The following CALN1 variants were observed in gnomAD, a reference collection of about 807,000 sequenced individuals.
CALN1 encodes the protein calneuron 1.
CALN1 carries 17 observed loss-of-function variants against 30.6 expected under a neutral mutation model. That is an observed-to-expected ratio of 0.56 (90% CI 0.38 to 0.83). The LOEUF is 0.83. Ranked by LOEUF, CALN1 falls within the 40% of genes least tolerant of loss-of-function variation. The pLI is 0.00. For synonymous variants in CALN1, 156 were observed against 131.4 expected, an observed-to-expected ratio of 1.19 and a Z score of -1.28; for missense variants, 291 against 354.9, an observed-to-expected ratio of 0.82 and a Z score of 1.45.
At chr7:72,010,304 T>C (rs1799998586) in intron 5 of CALN1, among the ~76,000 whole-genome samples, 1 of 152,206 alleles carries the variant, frequency 6.6e-6, no homozygotes, top group Non-Finnish European at 1.5e-5. Flanking sequence ...GTTGATATTC[T>C]GCAATCTGGG....
chr7:71,944,135 T>C (rs532434347), intron 5 of CALN1, among the ~76,000 whole-genome samples: 57 of 152,266 alleles, frequency 3.7e-4, no homozygotes, highest in South Asian at 6.2e-4. Flanking sequence ...AGTGGTTATA[T>C]GGTTTTTGTA....
intron 5 of CALN1, among the ~76,000 whole-genome samples, chr7:71,899,302 C>A (rs1334087465): frequency 1.3e-5 from 2 of 152,096 alleles, no homozygotes; most frequent in Non-Finnish European, 2.9e-5. Context: ...TGCCACCGTG[C>A]CTGGCGAATT....
chr7:72,442,891 G>C (rs1028867654), intron 1 of CALN1, among the ~76,000 whole-genome samples: 4 of 151,988 alleles, frequency 2.6e-5, no homozygotes, highest in Non-Finnish European at 5.9e-5. Context: ...ACTTTATTAA[G>C]GGTTGTGCTT....
At chr7:71,959,278 C>A (rs1409037442) in intron 5 of CALN1, among the ~76,000 whole-genome samples, 1 of 152,140 alleles carries the variant, frequency 6.6e-6, no homozygotes, top group Non-Finnish European at 1.5e-5. Context: ...ATGTGGCTAG[C>A]AACATTGTGA....
chr7:72,098,876 T>C (rs1402809505), intron 4 of CALN1, among the ~76,000 whole-genome samples: 1 of 150,964 alleles, frequency 6.6e-6, no homozygotes, highest in African/African-American at 2.4e-5. Context: ...CTGCCTTCCA[T>C]TCTGTCCCCT....
intron 5 of CALN1, among the ~76,000 whole-genome samples, chr7:71,816,986 A>T (rs964894762): frequency 3.3e-5 from 5 of 152,080 alleles, no homozygotes. Context: ...AAAAATCTAT[A>T]GTTTTGGAGA....
At chr7:72,327,085 A>G (rs1286308538) in intron 2 of CALN1, among the ~76,000 whole-genome samples, 1 of 152,210 alleles carries the variant, frequency 6.6e-6, no homozygotes, top group African/African-American at 2.4e-5. Flanking sequence ...AGTTTGTGGC[A>G]GTTAATTCCT....
chr7:72,328,938 C>T (rs1417547471), intron 2 of CALN1, among the ~76,000 whole-genome samples: 1 of 152,248 alleles, frequency 6.6e-6, no homozygotes, highest in Non-Finnish European at 1.5e-5. Context: ...CTCAGCTGAT[C>T]CAACCATCTC....
chr7:72,243,453 G>T (rs1475938155), intron 3 of CALN1, among the ~76,000 whole-genome samples: 1 of 152,202 alleles, frequency 6.6e-6, no homozygotes, highest in East Asian at 1.9e-4. Context: ...ACGTTTGTTT[G>T]TTTTTTAAAT....
chr7:72,027,726 A>AAC (rs111705413), intron 4 of CALN1, among the ~76,000 whole-genome samples: 3,209 of 143,248 alleles, frequency 0.022, 50 homozygotes, highest in African/African-American at 0.044. Flanking sequence ...CAAACAAACA[A>AAC]ACACACACAC....
At chr7:72,096,554 C>T (rs1352675747) in intron 4 of CALN1, among the ~76,000 whole-genome samples, 1 of 149,776 alleles carries the variant, frequency 6.7e-6, no homozygotes, top group African/African-American at 2.5e-5. Context: ...CACCTGTAAT[C>T]CCAGCCCTTT....
intron 3 of CALN1, among the ~76,000 whole-genome samples, chr7:72,192,228 C>T (rs1195086133): frequency 3.3e-5 from 5 of 152,142 alleles, no homozygotes; most frequent in Admixed American, 2.0e-4. Context: ...ACCTGTACAA[C>T]GTGTTACTGG....
chr7:72,322,390 T>C (rs1256463305), intron 2 of CALN1, among the ~76,000 whole-genome samples: 1 of 152,132 alleles, frequency 6.6e-6, no homozygotes, highest in African/African-American at 2.4e-5. Context: ...ACCGCTCACC[T>C]CCTTCTGGGT....
At chr7:71,930,211 C>T (rs915237555) in intron 5 of CALN1, among the ~76,000 whole-genome samples, 1 of 152,188 alleles carries the variant, frequency 6.6e-6, no homozygotes. Flanking sequence ...GCAGAACCCA[C>T]GGATACAGAG....
chr7:72,274,686 G>T (rs1392127310), intron 3 of CALN1, among the ~76,000 whole-genome samples: 1 of 152,052 alleles, frequency 6.6e-6, no homozygotes, highest in Admixed American at 6.5e-5. Flanking sequence ...AAGCTCCTTG[G>T]AAAGAGGCAA....
At position 72,368,222 on chromosome 7, in the gene CALN1, C is replaced by T. The variant is rs553214596; in HGVS notation, c.119+35029G>A. 1.5e-3 allele frequency among the ~76,000 whole-genome samples: 218 copies of T among 149,388 alleles called. 1 individual carries two copies. Among genetic ancestry groups the T allele is most frequent in the African/African-American group, 4.6e-3 (186 of 40,408 alleles). On this transcript the variant is annotated intron_variant, in intron 2 of 6. Transcript: ENST00000395275. The stretch of plus-strand genomic sequence containing the variant: ...ATGTGTGTGTATATATATCTATGTG[C>T]GTGATATATATATCTAGGATGCTAG...
chr7:72,169,360 T>C (rs1160736590), intron 3 of CALN1, among the ~76,000 whole-genome samples: 2 of 152,144 alleles, frequency 1.3e-5, no homozygotes, highest in Non-Finnish European at 2.9e-5. Context: ...CACTCTGTCA[T>C]CCAAGCTGGA....
chr7:72,300,486 A>T (rs1419447925), intron 2 of CALN1, among the ~76,000 whole-genome samples: 1 of 152,232 alleles, frequency 6.6e-6, no homozygotes, highest in Non-Finnish European at 1.5e-5. Context: ...GTGCATTCAT[A>T]TCAGAGTATG....
intron 5 of CALN1, among the ~76,000 whole-genome samples, chr7:71,865,175 C>A (rs532170173): frequency 5.3e-5 from 8 of 152,108 alleles, no homozygotes; most frequent in Non-Finnish European, 7.4e-5. Context: ...TCCCCAGTGT[C>A]GGAGGTGGGG....
Sources: gnomAD v4.1 joint callset for allele counts (sites outside exome capture counted in the v4.1 genomes callset) on GRCh38, gnomAD v4.1.1 for gene constraint, MANE v1.5 for transcripts, NCBI Gene and HGNC (gene_info 2026-07-23, HGNC 2026-07-21) for gene names.